RASGRF1: variants seen among roughly 807,000 people sequenced by gnomAD.
RASGRF1 encodes the protein ras-specific guanine nucleotide-releasing factor 1.
Under a neutral mutation model 138.7 loss-of-function variants are expected in RASGRF1, and 40 were observed. The ratio of observed to expected loss-of-function variants is 0.29; its 90% CI spans 0.22 to 0.38. The LOEUF (loss-of-function observed/expected upper bound fraction) is 0.38. Among genes scored for constraint, RASGRF1 ranks in the 10% least tolerant of loss-of-function variants. RASGRF1 has a pLI of 1.00. For missense variants in RASGRF1, 1,108 were observed against 1,650.4 expected, an observed-to-expected ratio of 0.67 and a Z score of 5.69; for synonymous variants, 614 against 663.2, an observed-to-expected ratio of 0.93 and a Z score of 1.14.
chr15:79,071,069 G>T (rs2057748818), intron 1 of RASGRF1, among the ~76,000 whole-genome samples: 1 of 152,252 alleles, frequency 6.6e-6, no homozygotes, highest in Non-Finnish European at 1.5e-5. Context: ...GGCTGCCGAT[G>T]CTCATGCTGT....
At chr15:79,071,817 T>C (rs2057760194) in intron 1 of RASGRF1, among the ~76,000 whole-genome samples, 1 of 152,134 alleles carries the variant, frequency 6.6e-6, no homozygotes, top group Admixed American at 6.5e-5. Context: ...AGCTGCAAAG[T>C]GGCACCCCAT....
At chr15:79,007,984 A>G (rs2141731879) in intron 13 of RASGRF1, among the ~76,000 whole-genome samples, 1 of 151,742 alleles carries the variant, frequency 6.6e-6, no homozygotes, top group East Asian at 1.9e-4. Flanking sequence ...CTGGGATTAC[A>G]GGCATGCGCC....
At chr15:79,017,694 C>A in intron 12 of RASGRF1, 76 bp downstream of exon 12, 1 of 1,481,316 alleles carries the variant, frequency 6.8e-7, no homozygotes, top group Non-Finnish European at 9.0e-7. Flanking sequence ...CACCCCCTAC[C>A]TGCCACCAGC....
At chr15:79,078,153 GCATGCA>G (rs2057864757) in intron 1 of RASGRF1, among the ~76,000 whole-genome samples, 1 of 140,552 alleles carries the variant, frequency 7.1e-6, no homozygotes, top group Non-Finnish European at 1.6e-5. Context: ...GTGTGTGTGT[GCATGCA>G]TGTGCGTATG....
In RASGRF1 at chr15:79,027,645, A is replaced by T. The variant is rs1328412631; in HGVS notation, c.1381+96T>A. On this transcript the variant is annotated intron_variant, in intron 9 of 26. Coordinates refer to ENST00000558480, the MANE Select transcript of RASGRF1 (RefSeq NM_001145648.3). This position sits in a 1 kb window ranked among gnomAD's most constrained non-coding sequence, Gnocchi z 4.8. ...ACATTGGCAGGTCTTGGCATGTGGC[A>T]GCCAAACCAACTGGTGGCGTCCCCG... 9.8e-6 allele frequency: 11 copies of T among 1,121,648 alleles called. No homozygotes were observed. In the Admixed American group the frequency reaches 2.1e-4, roughly 22 times the overall value. 69.5% of individuals were successfully genotyped at this position (1,121,648 alleles called of 1,614,324 possible). A position where few individuals can be genotyped will look rare whatever the true frequency, so the allele number is the denominator to read the frequency against.
intron 2 of RASGRF1, among the ~76,000 whole-genome samples, chr15:79,059,257 C>CCCTTCCCTTCCCTAT (rs1172304820): frequency 1.3e-4 from 6 of 46,736 alleles, no homozygotes; most frequent in African/African-American, 4.2e-4. Flanking sequence ...CCCTATCCTT[C>CCCTTCCCTTCCCTAT]CCTTCCCTTC....
chr15:78,973,278 C>G lies in RASGRF1; in HGVS notation c.3612+25G>C. The G allele has an allele frequency of 6.4e-7, 1 of 1,556,142 alleles. No homozygotes were observed. Among genetic ancestry groups the G allele is most frequent in the Non-Finnish European group, 8.8e-7 (1 of 1,135,192 alleles). On this transcript the variant is annotated intron_variant, in intron 25 of 26. Coordinates refer to ENST00000558480, the MANE Select transcript of RASGRF1 (RefSeq NM_001145648.3). This position sits in a 1 kb window ranked among gnomAD's most constrained non-coding sequence, Gnocchi z 4.9. ...CATCTGGGCTTCAACGCCCCCCTTC[C>G]CCTGCCTGGCTGGGGGGAACGCACC...
chr15:79,003,431 G>A (rs564544016), intron 15 of RASGRF1, among the ~76,000 whole-genome samples: 18 of 152,316 alleles, frequency 1.2e-4, no homozygotes, highest in African/African-American at 3.6e-4. Context: ...CTTCTCTCCC[G>A]GGCCCTGAAT....
intron 20 of RASGRF1, among the ~76,000 whole-genome samples, chr15:78,995,089 G>A (rs567420654): frequency 4.6e-5 from 7 of 151,852 alleles, no homozygotes; most frequent in South Asian, 4.2e-4. Flanking sequence ...CACCATGCCC[G>A]GGTAATTTTT....
At chr15:79,003,722 C>A in intron 15 of RASGRF1, 80 bp downstream of exon 15, 1 of 1,513,178 alleles carries the variant, frequency 6.6e-7, no homozygotes, top group Non-Finnish European at 8.8e-7. Context: ...GGAAGAGCAG[C>A]CCTGAGGCCT....
chr15:78,991,612 A>T (rs2056268733), intron 21 of RASGRF1, 79 bp downstream of exon 21: 1 of 1,164,142 alleles, frequency 8.6e-7, no homozygotes, highest in Non-Finnish European at 1.3e-6. Context: ...CTGGAAATTC[A>T]CTGCGTGTGC....
chr15:79,048,288 C>T (rs2057382172), intron 4 of RASGRF1, among the ~76,000 whole-genome samples: 1 of 152,160 alleles, frequency 6.6e-6, no homozygotes, highest in Admixed American at 6.5e-5. Flanking sequence ...GGTGGCACCT[C>T]TTGCCTGGGC....
intron 13 of RASGRF1, among the ~76,000 whole-genome samples, chr15:79,011,804 C>G (rs111360127): frequency 1.8e-4 from 28 of 152,296 alleles, no homozygotes; most frequent in African/African-American, 6.5e-4. Flanking sequence ...CACACACTAG[C>G]CTAACCAGCT....
intron 3 of RASGRF1, among the ~76,000 whole-genome samples, chr15:79,054,365 A>C (rs748572440): frequency 6.6e-6 from 1 of 152,120 alleles, no homozygotes; most frequent in Admixed American, 6.5e-5. Context: ...TTAATAGTGG[A>C]GTGCCCCTCC....
chr15:79,000,874 T>C (rs1486501544), intron 16 of RASGRF1, among the ~76,000 whole-genome samples: 1 of 152,194 alleles, frequency 6.6e-6, no homozygotes, highest in Non-Finnish European at 1.5e-5. Context: ...CTGTTACCTA[T>C]TGGGTTCCTT....
At chr15:79,014,352 A>G (rs2056845155) in intron 13 of RASGRF1, among the ~76,000 whole-genome samples, 1 of 152,288 alleles carries the variant, frequency 6.6e-6, no homozygotes, top group African/African-American at 2.4e-5. Flanking sequence ...ATGTCCATCA[A>G]TCAATGAGTG....
In RASGRF1 at chr15:79,046,619, C is replaced by T; in HGVS notation, c.878+127G>A. 6.9e-7 allele frequency: 1 copy of T among 1,451,698 alleles called. No homozygotes were observed. Among genetic ancestry groups the T allele is most frequent in the African/African-American group, 1.4e-5 (1 of 71,068 alleles). 89.9% of individuals were successfully genotyped at this position (1,451,698 alleles called of 1,614,324 possible). A position where few individuals can be genotyped will look rare whatever the true frequency, so the allele number is the denominator to read the frequency against. ...TGGTTTCTAGCCACGTGATCTTGGG[C>T]ACTTCTGTCCTCTCTGGGCCTCATC... On this transcript the variant is annotated intron_variant, in intron 5 of 26. Transcript: ENST00000558480. This position sits in a 1 kb window ranked among gnomAD's most constrained non-coding sequence, Gnocchi z 5.3.
At chr15:78,975,609 T>C (rs1453552800) in intron 24 of RASGRF1, among the ~76,000 whole-genome samples, 1 of 151,704 alleles carries the variant, frequency 6.6e-6, no homozygotes, top group Non-Finnish European at 1.5e-5. Context: ...CTTCTCAGGC[T>C]CCAATGGTCC....
intron 20 of RASGRF1, among the ~76,000 whole-genome samples, chr15:78,994,682 C>T (rs780820158): frequency 3.3e-5 from 5 of 152,152 alleles, no homozygotes; most frequent in African/African-American, 9.7e-5. Context: ...TCCCTTATTC[C>T]GTCTGGAATG....
Sources: allele counts gnomAD v4.1 joint callset (sites outside exome capture counted in the v4.1 genomes callset), GRCh38; gene constraint gnomAD v4.1.1; non-coding constraint Gnocchi (gnomAD v3.1); transcripts MANE v1.5; gene names NCBI Gene and HGNC (gene_info 2026-07-23, HGNC 2026-07-21).